Variants in METTL16 observed in about 807,000 individuals in gnomAD.
The protein encoded by METTL16 is methyltransferase 16, RNA N6-adenosine.
Under a neutral mutation model 57.9 loss-of-function variants are expected in METTL16, and 19 were observed. The observed-to-expected ratio is 0.33, with a 90% CI of 0.23 to 0.48. METTL16 has a LOEUF of 0.48. Ranked by LOEUF, METTL16 falls within the 20% of genes least tolerant of loss-of-function variation. The pLI is 0.99. For synonymous variants in METTL16, 246 were observed against 255.6 expected (o/e 0.96, Z 0.36); for missense variants, 434 against 691.5 (o/e 0.63, Z 4.18).
chr17:2,482,736 G>A (rs953760260), intron 2 of METTL16, among the ~76,000 whole-genome samples: 5 of 152,100 alleles, frequency 3.3e-5, no homozygotes, highest in Admixed American at 6.5e-5. Context: ...GCGAAAGCCC[G>A]TCTCTACAAA....
At chr17:2,452,617 T>C (rs566825198) in intron 6 of METTL16, among the ~76,000 whole-genome samples, 36 of 152,314 alleles carry the variant, frequency 2.4e-4, no homozygotes, top group Middle Eastern at 6.8e-3. Flanking sequence ...TCTGAGATGG[T>C]AGGTTTCAAG....
intron 2 of METTL16, among the ~76,000 whole-genome samples, chr17:2,501,014 G>A (rs2067483214): frequency 6.6e-6 from 1 of 152,116 alleles, no homozygotes; most frequent in Non-Finnish European, 1.5e-5. Context: ...CTACTCAGGA[G>A]GCTGAGACAG....
intron 8 of METTL16, among the ~76,000 whole-genome samples, chr17:2,431,065 C>T (rs556107305): frequency 6.6e-6 from 1 of 152,268 alleles, no homozygotes; most frequent in South Asian, 2.1e-4. Flanking sequence ...CCTGCCTCAG[C>T]CTCCCAACTA....
At chr17:2,446,736 C>T (rs566133435) in intron 6 of METTL16, among the ~76,000 whole-genome samples, 49 of 151,970 alleles carry the variant, frequency 3.2e-4, no homozygotes, top group African/African-American at 8.7e-4. Flanking sequence ...CAGCCTGCTA[C>T]GCCTCACTGG....
At chr17:2,477,653 T>C (rs777070436) in intron 3 of METTL16, 33 bp downstream of exon 3, 3 of 1,516,478 alleles carry the variant, frequency 2.0e-6, no homozygotes, top group Non-Finnish European at 2.7e-6. Context: ...TTATGAAAAC[T>C]GTTTAGCCAA....
chr17:2,427,549 A>G (rs781143411), intron 8 of METTL16, among the ~76,000 whole-genome samples: 1 of 152,200 alleles, frequency 6.6e-6, no homozygotes, highest in Non-Finnish European at 1.5e-5. Context: ...CTCCTGGGGC[A>G]TATTGTGAGA....
In METTL16 at chr17:2,428,581, ATATATATATATATATATATAT is replaced by A. The variant is rs1567881585; in HGVS notation, c.889-7698_889-7678del. On this transcript the variant is annotated intron_variant, in intron 8 of 9. Coordinates refer to ENST00000263092, the MANE Select transcript of METTL16 (RefSeq NM_024086.4). ...AAAAAAAAAATATATATATATATAT[ATATATATATATATATATATAT>A]AAATTGTAATACAGCGGGGCACAGT... Among the ~76,000 whole-genome samples, 71 of 44,762 alleles carry A rather than the reference ATATATATATATATATATATAT, an allele frequency of 1.6e-3. 2 individuals are homozygous for A. The highest frequency in any genetic ancestry group is 6.6e-3 in the African/African-American group (67 of 10,182). The allele number at this position is 44,762 out of a possible 152,430, so 29.4% of individuals were successfully genotyped here. A position where few individuals can be genotyped will look rare whatever the true frequency, so the allele number is the denominator to read the frequency against.
At chr17:2,498,193 C>CA (rs1199819434) in intron 2 of METTL16, among the ~76,000 whole-genome samples, 17 of 141,312 alleles carry the variant, frequency 1.2e-4, no homozygotes, top group African/African-American at 1.9e-4. Flanking sequence ...GACTCCATCT[C>CA]AAAAAAAAAA....
intron 2 of METTL16, among the ~76,000 whole-genome samples, chr17:2,495,471 C>T (rs530563197): frequency 1.3e-5 from 2 of 151,722 alleles, no homozygotes; most frequent in Non-Finnish European, 1.5e-5. Context: ...CCAAGGTGGG[C>T]GGATCACGAG....
At chr17:2,460,553 C>T (rs2067142215) in intron 6 of METTL16, among the ~76,000 whole-genome samples, 1 of 152,202 alleles carries the variant, frequency 6.6e-6, no homozygotes, top group African/African-American at 2.4e-5. Flanking sequence ...GAGCCACCTA[C>T]AGTTCCCCAT....
chr17:2,438,284 G>A, intron 7 of METTL16, 86 bp from the exon 8 acceptor site: 2 of 958,930 alleles, frequency 2.1e-6, no homozygotes, highest in South Asian at 2.6e-5. Context: ...ATATTATGTT[G>A]ATCCTTCTTT....
chr17:2,496,013 G>A (rs1170944211), intron 2 of METTL16, among the ~76,000 whole-genome samples: 1 of 151,546 alleles, frequency 6.6e-6, no homozygotes. Context: ...AGGAGGCTGA[G>A]GCAGGAGAAT....
intron 2 of METTL16, among the ~76,000 whole-genome samples, chr17:2,489,720 C>T (rs1009926741): frequency 5.7e-5 from 4 of 69,714 alleles, no homozygotes; most frequent in African/African-American, 3.4e-4. Flanking sequence ...GCCTGGATGA[C>T]AGAGCGAGAC....
intron 5 of METTL16, 136 bp downstream of exon 5, chr17:2,467,625 A>T (rs1466361391): frequency 6.8e-6 from 4 of 589,888 alleles, no homozygotes; most frequent in Non-Finnish European, 9.3e-6. Flanking sequence ...ACGGAGTTTC[A>T]CCATGTTGGC....
chr17:2,504,182 A>C (rs1455803194), intron 1 of METTL16, among the ~76,000 whole-genome samples: 1 of 152,196 alleles, frequency 6.6e-6, no homozygotes, highest in Non-Finnish European at 1.5e-5. Context: ...TTTATTACAC[A>C]GATGGAGAGT....
At chr17:2,495,317 T>TGA (rs1180288541) in intron 2 of METTL16, among the ~76,000 whole-genome samples, 7 of 150,864 alleles carry the variant, frequency 4.6e-5, no homozygotes, top group South Asian at 2.1e-4. Flanking sequence ...GGCAACAGAG[T>TGA]GAGACCCTGT....
intron 6 of METTL16, among the ~76,000 whole-genome samples, chr17:2,451,801 A>G (rs1460501032): frequency 6.6e-6 from 1 of 152,126 alleles, no homozygotes; most frequent in Non-Finnish European, 1.5e-5. Flanking sequence ...ATTCCTCAAC[A>G]GATTAGATAG....
In METTL16 at chr17:2,420,246, C is replaced by G; in HGVS notation, c.1413G>C (p.Lys471Asn). The change falls in exon 10 of 10, where the codon AAG becomes AAC. Residue 471 changes from lysine to asparagine, a missense_variant. Lys to Asn is a moderately conservative substitution (Grantham distance 94). Around this residue, in one of 5 missense-constraint regions of METTL16, gnomAD observed 168 missense variants for 149.6 expected, o/e 1.12. Transcript: ENST00000263092. The surrounding 1 kb of genome is among the most constrained non-coding windows in gnomAD (Gnocchi z 5.4). ...AACTTTCCAAAACCTCCACCCCTCC[C>G]TTTTCCTCACTCCTTTCATCCTCCG... ...EPTEDERSEE[K>N]GGVEVLESCQ... is the part of the protein sequence containing the mutation. 4 of 1,614,192 alleles carry G rather than the reference C, an allele frequency of 2.5e-6. No individual in the cohort carries two copies. Among genetic ancestry groups the G allele is most frequent in the Non-Finnish European group, 3.4e-6 (4 of 1,180,042 alleles).
At chr17:2,464,783 A>G (rs983996373) in intron 5 of METTL16, among the ~76,000 whole-genome samples, 1 of 152,238 alleles carries the variant, frequency 6.6e-6, no homozygotes, top group African/African-American at 2.4e-5. Context: ...TCATCAAAGA[A>G]CTAAAAGGAA....
Sources: allele counts gnomAD v4.1 joint callset (sites outside exome capture counted in the v4.1 genomes callset), GRCh38; gene constraint gnomAD v4.1.1; regional missense constraint gnomAD v4.1.1; non-coding constraint Gnocchi (gnomAD v3.1); transcripts MANE v1.5; gene names NCBI Gene and HGNC (gene_info 2026-07-23, HGNC 2026-07-21).